The following PHF21A variants were observed in gnomAD, a reference collection of about 807,000 sequenced individuals.
PHF21A encodes the protein PHD finger protein 21A, also known as BHC80a.
In PHF21A, 11 loss-of-function variants were observed where a neutral mutation model predicts 82.5. That is an observed-to-expected ratio of 0.13 (90% CI 0.08 to 0.22). The LOEUF is 0.22. Among genes scored for constraint, PHF21A ranks in the 10% least tolerant of loss-of-function variants. PHF21A has a pLI of 1.00. For missense variants in PHF21A, 579 were observed against 837.8 expected, an observed-to-expected ratio of 0.69 and a Z score of 3.81; for synonymous variants, 297 against 302.8, an observed-to-expected ratio of 0.98 and a Z score of 0.20.
intron 10 of PHF21A, among the ~76,000 whole-genome samples, chr11:45,958,770 T>G (rs2092892134): frequency 6.6e-6 from 1 of 151,718 alleles, no homozygotes; most frequent in Non-Finnish European, 1.5e-5. Flanking sequence ...TTAACAAAAT[T>G]AGCCAGGGAT....
intron 6 of PHF21A, among the ~76,000 whole-genome samples, chr11:46,059,933 G>A (rs2139447118): frequency 6.6e-6 from 1 of 152,176 alleles, no homozygotes; most frequent in South Asian, 2.1e-4. Flanking sequence ...AGTACAGATG[G>A]GGTTTCGCCG....
intron 6 of PHF21A, among the ~76,000 whole-genome samples, chr11:45,985,024 C>A (rs1591603289): frequency 6.6e-6 from 1 of 152,156 alleles, no homozygotes; most frequent in South Asian, 2.1e-4. Flanking sequence ...AGAAAGGTAT[C>A]AAATCTTACT....
At position 45,965,189 on chromosome 11, in the gene PHF21A, C is replaced by T. The variant is rs763101503; in HGVS notation, c.996+126G>A. ...ACGTGGATGAATTATCGCACATAAG[C>T]GACAGCTTACTGACAATGGTGGTGA... is the stretch of plus-strand genomic sequence containing the variant. On this transcript the variant is annotated intron_variant, in intron 10 of 18. Coordinates refer to ENST00000676320, the MANE Select transcript of PHF21A (RefSeq NM_001352027.3). The T allele has an allele frequency of 1.4e-5, 11 of 781,090 alleles. No homozygotes were observed. The East Asian group carries it at 2.2e-4, about 16-fold the overall frequency. The allele number at this position is 781,090 out of a possible 1,614,324, so 48.4% of individuals were successfully genotyped here.
chr11:45,949,535 C>T (rs1307488988), intron 12 of PHF21A, 54 bp from the exon 13 acceptor site: 1 of 1,394,772 alleles, frequency 7.2e-7, no homozygotes, highest in Admixed American at 1.7e-5. Flanking sequence ...ACCTAAAAAA[C>T]TTAACTTCAT....
chr11:46,021,733 T>C (rs780584044), intron 6 of PHF21A, among the ~76,000 whole-genome samples: 1 of 151,584 alleles, frequency 6.6e-6, no homozygotes. Flanking sequence ...TATTTTTTTG[T>C]AGAGATGAGA....
At chr11:46,061,399 C>T (rs1422252252) in intron 6 of PHF21A, among the ~76,000 whole-genome samples, 1 of 152,070 alleles carries the variant, frequency 6.6e-6, no homozygotes, top group African/African-American at 2.4e-5. Context: ...TTGCTTTGGA[C>T]GTTATTGCCA....
At chr11:45,969,967 AT>A in intron 8 of PHF21A, 63 bp from the exon 9 acceptor site, 1 of 1,012,032 alleles carries the variant, frequency 9.9e-7, no homozygotes, top group Non-Finnish European at 1.5e-6. Context: ...CAAAGCTAGT[AT>A]TTTTAGCATC....
At chr11:45,968,976 A>T (rs1028972061) in intron 9 of PHF21A, among the ~76,000 whole-genome samples, 2 of 150,444 alleles carry the variant, frequency 1.3e-5, no homozygotes, top group African/African-American at 4.9e-5. Flanking sequence ...TATCCCTCCC[A>T]TGTGCTCTCA....
At chr11:46,071,366 T>C (rs2096654513) in intron 6 of PHF21A, among the ~76,000 whole-genome samples, 1 of 152,166 alleles carries the variant, frequency 6.6e-6, no homozygotes, top group African/African-American at 2.4e-5. Flanking sequence ...GCCCACAAAC[T>C]GAAGCAGAGG....
chr11:45,957,380 T>C (rs981765670), intron 10 of PHF21A, among the ~76,000 whole-genome samples: 60 of 152,176 alleles, frequency 3.9e-4, no homozygotes, highest in African/African-American at 1.4e-3. Context: ...GATTATATGT[T>C]AGGCCACAAA....
chr11:46,055,878 T>C (rs2096448011), intron 6 of PHF21A, among the ~76,000 whole-genome samples: 1 of 152,184 alleles, frequency 6.6e-6, no homozygotes, highest in Admixed American at 6.5e-5. Flanking sequence ...GCAAATTGAA[T>C]AGTTTTGTTT....
chr11:46,082,936 T>G (rs2096810395), intron 4 of PHF21A, among the ~76,000 whole-genome samples: 1 of 152,034 alleles, frequency 6.6e-6, no homozygotes, highest in African/African-American at 2.4e-5. Flanking sequence ...ACACACAACA[T>G]CATAAAATTA....
chr11:45,968,342 T>C (rs1301856194), intron 9 of PHF21A, among the ~76,000 whole-genome samples: 1 of 152,214 alleles, frequency 6.6e-6, no homozygotes, highest in African/African-American at 2.4e-5. Flanking sequence ...TTGCATAGCC[T>C]ACAAGGTTCC....
At chr11:46,022,258 G>C (rs1457522408) in intron 6 of PHF21A, among the ~76,000 whole-genome samples, 1 of 152,088 alleles carries the variant, frequency 6.6e-6, no homozygotes, top group Non-Finnish European at 1.5e-5. Flanking sequence ...TTCAAGACCA[G>C]TGTGGGCAAC....
intron 18 of PHF21A, 199 bp downstream of exon 18, chr11:45,935,436 AG>A (rs1374180101): frequency 3.0e-6 from 2 of 663,254 alleles, no homozygotes; most frequent in Non-Finnish European, 5.2e-6. Context: ...AGCTTGGGTA[AG>A]GCACCACCTA....
At chr11:45,935,850 T>C (rs1206705649) in intron 17 of PHF21A, 111 bp from the exon 18 acceptor site, 10 of 646,740 alleles carry the variant, frequency 1.5e-5, no homozygotes, top group Non-Finnish European at 2.4e-5. Flanking sequence ...AGAGCTCCCA[T>C]GAGTCCTACA....
chr11:45,979,306 A>T (rs2136273776), intron 7 of PHF21A, among the ~76,000 whole-genome samples: 1 of 152,278 alleles, frequency 6.6e-6, no homozygotes, highest in African/African-American at 2.4e-5. Context: ...GGCATGAGCT[A>T]CTGAGCCCAG....
chr11:46,119,510 T>A (rs1465481373), intron 1 of PHF21A, among the ~76,000 whole-genome samples: 1 of 152,110 alleles, frequency 6.6e-6, no homozygotes, highest in African/African-American at 2.4e-5. Flanking sequence ...GATTCACCAA[T>A]GAAAACAAAA....
intron 6 of PHF21A, among the ~76,000 whole-genome samples, chr11:46,041,188 G>A (rs539958722): frequency 1.7e-4 from 26 of 152,178 alleles, no homozygotes; most frequent in African/African-American, 5.5e-4. Context: ...TACAGAAGCG[G>A]AAATAGTCAC....
Sources: gnomAD v4.1 joint callset for allele counts (sites outside exome capture counted in the v4.1 genomes callset) on GRCh38, gnomAD v4.1.1 for gene constraint, MANE v1.5 for transcripts, NCBI Gene and HGNC (gene_info 2026-07-23, HGNC 2026-07-21) for gene names.